The following CHN2 variants were observed in gnomAD, a reference collection of about 807,000 sequenced individuals.
CHN2 encodes beta-chimaerin.
A neutral mutation model predicts 56.3 loss-of-function variants in CHN2; 35 were observed. The observed-to-expected ratio is 0.62, with a 90% CI of 0.47 to 0.82. The LOEUF (loss-of-function observed/expected upper bound fraction) is 0.82. Among genes scored for constraint, CHN2 ranks in the 40% least tolerant of loss-of-function variants. The pLI is 0.00. For missense variants in CHN2, 491 were observed against 580.5 expected, an observed-to-expected ratio of 0.85 and a Z score of 1.58; for synonymous variants, 210 against 212.8, an observed-to-expected ratio of 0.99 and a Z score of 0.12.
chr7:29,233,974 C>T (rs1364340572), intron 1 of CHN2, among the ~76,000 whole-genome samples: 2 of 149,934 alleles, frequency 1.3e-5, no homozygotes, highest in Non-Finnish European at 3.0e-5. Flanking sequence ...GCTGGGACTA[C>T]AGGCGCCCGC....
At chr7:29,184,269 G>A (rs1798442007) in intron 2 of CHN2, among the ~76,000 whole-genome samples, 1 of 150,004 alleles carries the variant, frequency 6.7e-6, no homozygotes, top group African/African-American at 2.4e-5. Context: ...GATATATAGT[G>A]GATATATATG....
intron 1 of CHN2, among the ~76,000 whole-genome samples, chr7:29,240,002 T>C (rs1165409492): frequency 2.6e-5 from 4 of 152,214 alleles, no homozygotes; most frequent in Non-Finnish European, 5.9e-5. Context: ...TTCAAGACCC[T>C]GTGAGCCAAA....
intron 1 of CHN2, among the ~76,000 whole-genome samples, chr7:29,306,519 A>T (rs886642175): frequency 2.6e-5 from 4 of 152,178 alleles, no homozygotes; most frequent in African/African-American, 9.7e-5. Flanking sequence ...GAAGATGAGT[A>T]TAAACTGAGA....
chr7:29,458,323 A>T (rs533825886), intron 6 of CHN2, among the ~76,000 whole-genome samples: 3 of 151,572 alleles, frequency 2.0e-5, no homozygotes, highest in Non-Finnish European at 2.9e-5. Flanking sequence ...CAACTAGATC[A>T]TTGGTTTCCT....
At chr7:29,416,443 G>T (rs1000833457) in intron 6 of CHN2, among the ~76,000 whole-genome samples, 2 of 152,182 alleles carry the variant, frequency 1.3e-5, no homozygotes, top group African/African-American at 2.4e-5. Flanking sequence ...CTTTAAAATG[G>T]GGTGAAAAAG....
chr7:29,418,083 G>T (rs148046887), intron 6 of CHN2, among the ~76,000 whole-genome samples: 2 of 152,364 alleles, frequency 1.3e-5, no homozygotes, highest in African/African-American at 2.4e-5. Context: ...TTGCTGGAGC[G>T]CCTTGTTGGT....
At chr7:29,436,844 T>A (rs1288266466) in intron 6 of CHN2, among the ~76,000 whole-genome samples, 1 of 152,154 alleles carries the variant, frequency 6.6e-6, no homozygotes, top group Non-Finnish European at 1.5e-5. Flanking sequence ...ACAATACACA[T>A]TCACAGAATT....
intron 1 of CHN2, among the ~76,000 whole-genome samples, chr7:29,225,430 C>G (rs1430974475): frequency 1.3e-5 from 2 of 152,046 alleles, no homozygotes. Context: ...GATGAAGTTC[C>G]CAGATCAGCC....
intron 1 of CHN2, among the ~76,000 whole-genome samples, chr7:29,252,609 G>T (rs1788715035): frequency 1.2e-3 from 2 of 1,656 alleles, no homozygotes; most frequent in African/African-American, 3.6e-3. Context: ...TTTTTTTTGA[G>T]ACGGAGTCTC....
intron 1 of CHN2, among the ~76,000 whole-genome samples, chr7:29,307,373 A>G (rs1164272675): frequency 1.3e-5 from 2 of 152,246 alleles, no homozygotes; most frequent in Non-Finnish European, 2.9e-5. Context: ...GTTGGTGAGT[A>G]TGATTAGTCA....
intron 1 of CHN2, among the ~76,000 whole-genome samples, chr7:29,219,802 C>T (rs1410588889): frequency 6.6e-6 from 1 of 152,124 alleles, no homozygotes; most frequent in Non-Finnish European, 1.5e-5. Context: ...GTTGGCTGGG[C>T]GCCGTGGCTC....
At chr7:29,312,970 G>A (rs972932195) in intron 1 of CHN2, among the ~76,000 whole-genome samples, 1 of 152,084 alleles carries the variant, frequency 6.6e-6, no homozygotes, top group East Asian at 1.9e-4. Flanking sequence ...TGGCTATGGT[G>A]TGACCATAGG....
intron 3 of CHN2, among the ~76,000 whole-genome samples, chr7:29,376,019 C>T (rs1285296682): frequency 6.6e-6 from 1 of 152,212 alleles, no homozygotes; most frequent in Non-Finnish European, 1.5e-5. Flanking sequence ...TTATACTTTG[C>T]TCCAGATAAG....
At chr7:29,334,219 G>A (rs899230455) in intron 1 of CHN2, among the ~76,000 whole-genome samples, 9 of 151,628 alleles carry the variant, frequency 5.9e-5, no homozygotes, top group Admixed American at 1.3e-4. Context: ...CCCAGCTAAC[G>A]TTTGTATTTT....
intron 6 of CHN2, among the ~76,000 whole-genome samples, chr7:29,464,375 T>C (rs1785398771): frequency 6.6e-6 from 1 of 152,148 alleles, no homozygotes; most frequent in Non-Finnish European, 1.5e-5. Flanking sequence ...CTTTTTGAAT[T>C]GTATTTAATC....
chr7:29,336,942 G>A (rs1393960549), intron 1 of CHN2, among the ~76,000 whole-genome samples: 1 of 152,026 alleles, frequency 6.6e-6, no homozygotes, highest in East Asian at 1.9e-4. Context: ...TCCTCTGTGA[G>A]GTCTTCCTTG....
intron 1 of CHN2, among the ~76,000 whole-genome samples, chr7:29,293,984 A>C (rs1792910777): frequency 6.8e-6 from 1 of 147,950 alleles, no homozygotes; most frequent in Non-Finnish European, 1.5e-5. Context: ...CTCCTGCCTC[A>C]GCCTCCCGAG....
At position 29,466,936 on chromosome 7, in the gene CHN2, T is replaced by C. The variant is rs1425686623; in HGVS notation, c.577-13343T>C. Among the ~76,000 whole-genome samples the C allele has an allele frequency of 1.3e-5, 2 of 152,220 alleles. 1 individual carries two copies. The highest frequency in any genetic ancestry group is 1.3e-4 in the Admixed American group (2 of 15,284). On this transcript the variant is annotated intron_variant, in intron 6 of 12. Transcript: ENST00000222792. ...AGAAGTTTTAAAAGATAAAAAAAGG[T>C]AGACATTGGTCTGTTTCCTTACAAT...
chr7:29,291,326 G>T (rs1231928164), intron 1 of CHN2, among the ~76,000 whole-genome samples: 2 of 152,052 alleles, frequency 1.3e-5, no homozygotes, highest in Non-Finnish European at 2.9e-5. Flanking sequence ...TATTATTTAA[G>T]AGACAGATTA....
Sources: allele counts gnomAD v4.1 joint callset (sites outside exome capture counted in the v4.1 genomes callset), GRCh38; gene constraint gnomAD v4.1.1; transcripts MANE v1.5; gene names NCBI Gene and HGNC (gene_info 2026-07-23, HGNC 2026-07-21).